NXPE2: variants seen among roughly 807,000 people sequenced by gnomAD.
NXPE2 encodes the protein NXPE family member 2.
NXPE2 carries 34 observed loss-of-function variants against 34.4 expected under a neutral mutation model. The observed-to-expected ratio is 0.99, with a 90% CI of 0.75 to 1.31. The LOEUF is 1.31. NXPE2 is among the 40% of genes most tolerant of loss of function. The pLI is 0.00. For missense variants in NXPE2, 649 were observed against 672.5 expected, an observed-to-expected ratio of 0.97 and a Z score of 0.39; for synonymous variants, 235 against 231.3, an observed-to-expected ratio of 1.02 and a Z score of -0.15.
chr11:114,679,081 A>C (rs905646793), intron 1 of NXPE2, among the ~76,000 whole-genome samples: 5 of 151,948 alleles, frequency 3.3e-5, no homozygotes, highest in African/African-American at 1.2e-4. Flanking sequence ...GAGTTTTTTA[A>C]AGACTGTAAC....
the NXPE2 span, among the ~76,000 whole-genome samples, chr11:114,587,860 G>A: frequency 6.6e-6 from 1 of 152,160 alleles, no homozygotes; most frequent in Non-Finnish European, 1.5e-5. Context: ...AGAAAAAGTG[G>A]CTCATTTTCT....
chr11:114,624,551 GATA>G, the NXPE2 span, among the ~76,000 whole-genome samples: 1 of 151,704 alleles, frequency 6.6e-6, no homozygotes, highest in Non-Finnish European at 1.5e-5. Flanking sequence ...TTACCTAGTG[GATA>G]ATAAGTATTG....
chr11:114,747,090 T>A, the NXPE2 span, among the ~76,000 whole-genome samples: 1,413 of 152,280 alleles, frequency 9.3e-3, 20 homozygotes, highest in African/African-American at 0.033. Context: ...CAGATACTCA[T>A]GTCTTCTACC....
At chr11:114,613,640 G>A in the NXPE2 span, among the ~76,000 whole-genome samples, 1 of 151,908 alleles carries the variant, frequency 6.6e-6, no homozygotes. Context: ...TGGATAACAA[G>A]TGTTGCCTTT....
the NXPE2 span, among the ~76,000 whole-genome samples, chr11:114,784,094 G>A: frequency 6.6e-6 from 1 of 152,180 alleles, no homozygotes; most frequent in South Asian, 2.1e-4. Context: ...GCAGGGCCAA[G>A]GTTCAAACAG....
the NXPE2 span, among the ~76,000 whole-genome samples, chr11:114,739,341 CCCCT>C: frequency 3.2e-5 from 1 of 31,116 alleles, no homozygotes; most frequent in African/African-American, 1.7e-4. Flanking sequence ...CCTTCCTTCC[CCCCT>C]TCCTCTCTCC....
At chr11:114,479,062 G>T in the NXPE2 span, among the ~76,000 whole-genome samples, 97 of 152,264 alleles carry the variant, frequency 6.4e-4, 2 homozygotes, top group African/African-American at 2.3e-3. Context: ...GTCAAGTTAT[G>T]GAGGGCCTGC....
chr11:114,544,033 A>G, the NXPE2 span, among the ~76,000 whole-genome samples: 1 of 152,238 alleles, frequency 6.6e-6, no homozygotes, highest in East Asian at 1.9e-4. Context: ...CAAAATATAT[A>G]CAGGATCTGT....
At chr11:114,522,421 T>C in the NXPE2 span, 3 of 1,614,074 alleles carry the variant, frequency 1.9e-6, no homozygotes, top group Non-Finnish European at 2.5e-6. Context: ...GTTTTTTCCA[T>C]TGAATCTGAG....
chr11:114,677,020 G>A (rs745552461), upstream of NXPE2, among the ~76,000 whole-genome samples: 5 of 151,972 alleles, frequency 3.3e-5, no homozygotes, highest in East Asian at 7.8e-4. Context: ...CACAGAACAC[G>A]GAAAGATAAC....
At chr11:114,642,455 G>A in the NXPE2 span, among the ~76,000 whole-genome samples, 1 of 151,900 alleles carries the variant, frequency 6.6e-6, no homozygotes, top group Non-Finnish European at 1.5e-5. Context: ...CCAGGTGTGT[G>A]ATTTTCCCCT....
chr11:114,717,400 A>G, the NXPE2 span, among the ~76,000 whole-genome samples: 13 of 152,180 alleles, frequency 8.5e-5, no homozygotes, highest in African/African-American at 3.1e-4. Flanking sequence ...GGAAATGGGA[A>G]TAGATGCACA....
At chr11:114,742,323 A>T in the NXPE2 span, among the ~76,000 whole-genome samples, 1 of 152,018 alleles carries the variant, frequency 6.6e-6, no homozygotes, top group African/African-American at 2.4e-5. Flanking sequence ...AGGCTTCCTG[A>T]TGGAGTCCAT....
At chr11:114,626,710 C>A in the NXPE2 span, among the ~76,000 whole-genome samples, 1 of 152,150 alleles carries the variant, frequency 6.6e-6, no homozygotes, top group African/African-American at 2.4e-5. Flanking sequence ...TTCAGACAAT[C>A]AAATTATTCC....
the NXPE2 span, among the ~76,000 whole-genome samples, chr11:114,652,388 T>G: frequency 6.6e-6 from 1 of 152,208 alleles, no homozygotes; most frequent in Non-Finnish European, 1.5e-5. Context: ...GACTGCGATT[T>G]GTACAGTCAA....
the NXPE2 span, among the ~76,000 whole-genome samples, chr11:114,531,826 G>A: frequency 1.8e-4 from 27 of 152,178 alleles, no homozygotes; most frequent in African/African-American, 6.0e-4. Flanking sequence ...AACCTCAGAG[G>A]TCACTTATGC....
the NXPE2 span, among the ~76,000 whole-genome samples, chr11:114,713,130 G>A: frequency 6.6e-6 from 1 of 152,186 alleles, no homozygotes; most frequent in Non-Finnish European, 1.5e-5. Context: ...TGGTAGGAGA[G>A]GGAGTTAGTA....
chr11:114,716,878 A>G, the NXPE2 span, among the ~76,000 whole-genome samples: 3 of 152,148 alleles, frequency 2.0e-5, no homozygotes, highest in African/African-American at 7.2e-5. Flanking sequence ...TGTGAGAACA[A>G]TTGTAATGAG....
At chr11:114,644,704 A>G in the NXPE2 span, among the ~76,000 whole-genome samples, 14 of 152,068 alleles carry the variant, frequency 9.2e-5, no homozygotes, top group Non-Finnish European at 1.9e-4. Context: ...TTCCCCCTCA[A>G]ATTTTATCAA....
Sources: allele counts gnomAD v4.1 joint callset (sites outside exome capture counted in the v4.1 genomes callset), GRCh38; gene constraint gnomAD v4.1.1; transcripts MANE v1.5; gene names NCBI Gene and HGNC (gene_info 2026-07-23, HGNC 2026-07-21).